RELCH: variants seen among roughly 807,000 people sequenced by gnomAD.
The protein encoded by RELCH is RAB11 binding and LisH domain, coiled-coil and HEAT repeat containing.
In RELCH, 41 loss-of-function variants were observed where a neutral mutation model predicts 150.3. The ratio of observed to expected loss-of-function variants is 0.27; its 90% CI spans 0.21 to 0.35. RELCH has a LOEUF of 0.35. Among genes scored for constraint, RELCH ranks in the 10% least tolerant of loss-of-function variants. The probability of loss-of-function intolerance (pLI) is 1.00; values close to 1 mark genes in which losing one functional copy is unlikely to be tolerated. For synonymous variants in RELCH, 478 were observed against 531.8 expected, an observed-to-expected ratio of 0.90 and a Z score of 1.39; for missense variants, 1,092 against 1,467.8, an observed-to-expected ratio of 0.74 and a Z score of 4.18.
At chr18:62,200,140 A>G (rs1272115335) in intron 1 of RELCH, among the ~76,000 whole-genome samples, 1 of 152,140 alleles carries the variant, frequency 6.6e-6, no homozygotes, top group African/African-American at 2.4e-5. Context: ...TCTTTCTGAA[A>G]CCCTGTGACA....
chr18:62,258,787 C>T (rs2043111336), intron 15 of RELCH, 111 bp downstream of exon 15: 3 of 634,002 alleles, frequency 4.7e-6, no homozygotes, highest in African/African-American at 2.0e-5. Flanking sequence ...GCTTAACATA[C>T]TAATACATTA....
chr18:62,251,844 T>C (rs77867186), intron 11 of RELCH, among the ~76,000 whole-genome samples: 12,639 of 152,182 alleles, frequency 0.083, 643 homozygotes, highest in South Asian at 0.19. Context: ...GAAGGTAATT[T>C]GGAAGGTTAT....
In RELCH at chr18:62,259,354, T is replaced by TA. The variant is rs71811362; in HGVS notation, c.2202+688dup. Among the ~76,000 whole-genome samples, 26 of 148,392 alleles carry TA rather than the reference T, an allele frequency of 1.8e-4. 1 individual carries two copies. The highest frequency in any genetic ancestry group is 2.7e-4 in the Admixed American group (4 of 14,860). ...TTCTATATGCCAACAGTGAATAAGC[T>TA]AAAAAAAAAATCAAGAAAGCAATCA... On this transcript the variant is annotated intron_variant, in intron 15 of 28. Coordinates refer to ENST00000644646, the MANE Select transcript of RELCH (RefSeq NM_001346231.2).
At chr18:62,226,505 A>G (rs2041225460) in intron 5 of RELCH, among the ~76,000 whole-genome samples, 1 of 152,126 alleles carries the variant, frequency 6.6e-6, no homozygotes, top group Non-Finnish European at 1.5e-5. Flanking sequence ...TTACACTAAT[A>G]TGTATTAAGT....
Position 62,305,495 on chromosome 18 carries a change from A to G in RELCH, c.3612A>G (p.Ser1204=). ...ACAAAATGGGCCAGTTGACAACATC[A>G]GGTGCCATGTTGGCCAATGTATTTC... ...FLNKMGQLTT[S]GAMLANVFQR... is the part of the protein sequence containing the mutation. The change falls in exon 29 of 29, where the codon TCA becomes TCG. Residue 1204 remains serine (S), a synonymous_variant. Transcript: ENST00000644646. The surrounding 1 kb of genome is among the most constrained non-coding windows in gnomAD (Gnocchi z 4.0). The G allele has an allele frequency of 6.2e-7, 1 of 1,611,778 alleles. No homozygotes were observed. The highest frequency in any genetic ancestry group is 1.1e-5 in the South Asian group (1 of 90,792).
chr18:62,259,972 T>C (rs1237967100), intron 15 of RELCH, among the ~76,000 whole-genome samples: 2 of 151,774 alleles, frequency 1.3e-5, no homozygotes, highest in African/African-American at 4.8e-5. Context: ...ATTGTTTCAG[T>C]ACGTTGGTCT....
At chr18:62,239,793 T>G (rs138821961) in intron 10 of RELCH, among the ~76,000 whole-genome samples, 88 of 152,164 alleles carry the variant, frequency 5.8e-4, no homozygotes, top group African/African-American at 2.0e-3. Context: ...ATTGTTTTCC[T>G]TATACCCTTT....
At chr18:62,188,102 G>A in intron 1 of RELCH, 71 bp downstream of exon 1, 1 of 1,432,560 alleles carries the variant, frequency 7.0e-7, no homozygotes, top group Non-Finnish European at 9.2e-7. Flanking sequence ...AGGGGAGAGG[G>A]GGTATTTCTG....
rs2043098023 is a variant in RELCH at position 62,258,510 on chromosome 18, AG to A, written c.2039del. ...CTACATTTGCCTTTTTCTCATTGAC[AG>A]GGTTTTGAATTGTTGCTGTCAGCCT... is the stretch of plus-strand genomic sequence containing the variant. On this transcript the variant is annotated splice_acceptor_variant, in intron 14 of 28. Transcript: ENST00000644646. LOFTEE classifies it high-confidence loss of function. 2 of 1,600,452 alleles carry A rather than the reference AG, an allele frequency of 1.2e-6. No homozygotes were observed. Among genetic ancestry groups the A allele is most frequent in the Non-Finnish European group, 1.7e-6 (2 of 1,175,402 alleles).
chr18:62,222,506 CA>C (rs1174107538), intron 5 of RELCH, among the ~76,000 whole-genome samples: 2 of 151,468 alleles, frequency 1.3e-5, no homozygotes, highest in Non-Finnish European at 3.0e-5. Context: ...AAAAGAGGAG[CA>C]AAAAATAGAT....
chr18:62,216,285 T>C (rs760392671), intron 2 of RELCH, among the ~76,000 whole-genome samples: 2 of 152,138 alleles, frequency 1.3e-5, no homozygotes, highest in African/African-American at 2.4e-5. Flanking sequence ...GTCTGAAATA[T>C]GTCTATATCT....
chr18:62,259,997 G>T (rs1006315187), intron 15 of RELCH, among the ~76,000 whole-genome samples: 1 of 151,694 alleles, frequency 6.6e-6, no homozygotes, highest in African/African-American at 2.4e-5. Flanking sequence ...AAAGATTTTT[G>T]AAGAAAGATC....
chr18:62,244,004 A>G (rs931671560), intron 10 of RELCH, among the ~76,000 whole-genome samples: 3 of 152,046 alleles, frequency 2.0e-5, no homozygotes, highest in Non-Finnish European at 4.4e-5. Context: ...GGATTTGAAA[A>G]TCCACTCAAA....
intron 11 of RELCH, chr18:62,246,689 A>G (rs2042431464): frequency 6.6e-6 from 1 of 152,220 alleles, no homozygotes; most frequent in African/African-American, 2.4e-5. Context: ...CTAACAAGTA[A>G]GTAGAATGCA....
intron 24 of RELCH, among the ~76,000 whole-genome samples, chr18:62,281,781 T>G (rs891655858): frequency 3.9e-5 from 6 of 152,244 alleles, no homozygotes; most frequent in Non-Finnish European, 8.8e-5. Context: ...ATTTTTTCAC[T>G]TATATATTTC....
intron 1 of RELCH, among the ~76,000 whole-genome samples, chr18:62,201,469 G>A (rs374555942): frequency 4.0e-5 from 6 of 151,874 alleles, no homozygotes; most frequent in African/African-American, 1.5e-4. Flanking sequence ...CGAATTGCTT[G>A]ATTTTTTTTC....
intron 7 of RELCH, among the ~76,000 whole-genome samples, chr18:62,228,044 A>G (rs2041322478): frequency 6.6e-6 from 1 of 152,102 alleles, no homozygotes; most frequent in South Asian, 2.1e-4. Context: ...CACTTTGCAA[A>G]TGAATAAAAG....
At chr18:62,294,992 ATGATATGT>A (rs1182553044) in intron 27 of RELCH, among the ~76,000 whole-genome samples, 1 of 152,206 alleles carries the variant, frequency 6.6e-6, no homozygotes, top group African/African-American at 2.4e-5. Flanking sequence ...TATTATAAAA[ATGATATGT>A]TGTCTTCATT....
At chr18:62,279,701 C>A in intron 22 of RELCH, 73 bp from the exon 23 acceptor site, 1 of 984,682 alleles carries the variant, frequency 1.0e-6, no homozygotes, top group Non-Finnish European at 1.5e-6. Flanking sequence ...TTGTTCCTTC[C>A]TTCTTCCCGT....
Sources: allele counts gnomAD v4.1 joint callset (sites outside exome capture counted in the v4.1 genomes callset), GRCh38; gene constraint gnomAD v4.1.1; non-coding constraint Gnocchi (gnomAD v3.1); transcripts MANE v1.5; gene names NCBI Gene and HGNC (gene_info 2026-07-23, HGNC 2026-07-21).